The following ADD2 variants were observed in gnomAD, a reference collection of about 807,000 sequenced individuals.
ADD2 encodes beta-adducin.
Under a neutral mutation model 83.0 loss-of-function variants are expected in ADD2, and 23 were observed. That is an observed-to-expected ratio of 0.28 (90% confidence interval 0.20 to 0.39). The LOEUF is 0.39. Ranked by LOEUF, ADD2 falls within the 10% of genes least tolerant of loss-of-function variation. ADD2 has a pLI of 1.00. For missense variants in ADD2, 758 were observed against 944.9 expected (o/e 0.80, Z 2.59); for synonymous variants, 375 against 375.4 (o/e 1.00, Z 0.01).
At chr2:70,749,101 G>T (rs1574320152) in intron 1 of ADD2, among the ~76,000 whole-genome samples, 1 of 152,100 alleles carries the variant, frequency 6.6e-6, no homozygotes, top group Non-Finnish European at 1.5e-5. Context: ...TGAGGCCTCA[G>T]GAAACTTACA....
chr2:70,767,482 G>A (rs1675453668), intron 1 of ADD2: 1 of 335,584 alleles, frequency 3.0e-6, no homozygotes, highest in Non-Finnish European at 4.4e-6. Flanking sequence ...ACCCCGGAGG[G>A]CGGCGGCCGA....
chr2:70,678,763 G>A lies in ADD2; in HGVS notation c.1324C>T (p.Arg442Trp), dbSNP rs782075109. 35 of 1,610,134 alleles carry A rather than the reference G, an allele frequency of 2.2e-5. No homozygotes were observed. Among genetic ancestry groups the A allele is most frequent in the Admixed American group, 3.4e-5 (2 of 59,698 alleles). ...RWLNTPNTYL[R>W]VNVADEVQRS... ...TGGACCTCATCGGCCACATTGACCC[G>A]CAGGTAGGTGTTGGGCGTATTGAGC... is the stretch of plus-strand genomic sequence containing the variant. Residue 442 changes from arginine to tryptophan, a missense_variant, in exon 11 of 16, where the codon CGG (arginine) becomes TGG (tryptophan). Arg to Trp is a moderately radical substitution (Grantham distance 101). Around this residue, in one of 5 missense-constraint regions of ADD2, gnomAD observed 394 missense variants for 509.3 expected, o/e 0.77. Coordinates refer to ENST00000264436, the MANE Select transcript of ADD2 (RefSeq NM_001617.4).
intron 1 of ADD2, among the ~76,000 whole-genome samples, chr2:70,721,420 T>C (rs1005634812): frequency 1.2e-4 from 18 of 152,244 alleles, no homozygotes; most frequent in African/African-American, 4.1e-4. Flanking sequence ...ATACTAAGGA[T>C]ACCAGCTTTC....
chr2:70,753,480 G>A (rs1674617831), intron 1 of ADD2, among the ~76,000 whole-genome samples: 2 of 152,086 alleles, frequency 1.3e-5, no homozygotes. Flanking sequence ...TGCCATGGTG[G>A]TGTTTTTGAG....
At chr2:70,714,507 A>G (rs1179148354) in intron 1 of ADD2, among the ~76,000 whole-genome samples, 10 of 152,350 alleles carry the variant, frequency 6.6e-5, no homozygotes, top group African/African-American at 2.4e-4. Context: ...CCTGGGGCTC[A>G]GTGTTTCAGT....
At position 70,767,878 on chromosome 2, in the gene ADD2, A is replaced by T; in HGVS notation, c.-154+8T>A. 6.5e-7 allele frequency: 1 copy of T among 1,535,464 alleles called. No homozygotes were observed. The highest frequency in any genetic ancestry group is 1.4e-5 in the African/African-American group (1 of 72,992). ...GCAGCCCACCAGGCCCGCTCCCCAG[A>T]CCCTTACCTCCTGCGCGGCATCTTA... is the stretch of plus-strand genomic sequence containing the variant. On this transcript the variant is annotated splice_region_variant and intron_variant, in intron 1 of 15. Transcript: ENST00000264436.
chr2:70,706,789 T>TA lies in ADD2; in HGVS notation c.-34-348dup, dbSNP rs1239438682. Among the ~76,000 whole-genome samples, 3 of 152,206 alleles carry TA rather than the reference T, an allele frequency of 2.0e-5. No individual in the cohort carries two copies. Among genetic ancestry groups the TA allele is most frequent in the African/African-American group, 7.2e-5 (3 of 41,456 alleles). ...GTTGAGCATTTCTGTGATGCACACC[T>TA]ATGCAGTGGTAAGCTACTTACTGGA... On this transcript the variant is annotated intron_variant, in intron 2 of 15. Coordinates refer to ENST00000264436, the MANE Select transcript of ADD2 (RefSeq NM_001617.4). This position sits in a 1 kb window ranked among gnomAD's most constrained non-coding sequence, Gnocchi z 5.0.
intron 1 of ADD2, among the ~76,000 whole-genome samples, chr2:70,737,052 G>A (rs3977710): frequency 0.34 from 51,857 of 151,650 alleles, 8,929 homozygotes; most frequent in Middle Eastern, 0.41. Context: ...TTAGAATGGC[G>A]ATCATTAAAA....
At chr2:70,704,264 C>CCCCCCCCCCCCCCCCCCCCCCCCAA in intron 4 of ADD2, 57 bp downstream of exon 4, 1 of 425,202 alleles carries the variant, frequency 2.4e-6, no homozygotes, top group Non-Finnish European at 4.8e-6. Context: ...TCCCTCTCTT[C>CCCCCCCCCCCCCCCCCCCCCCCCAA]CCCACCCCAC....
Position 70,676,994 on chromosome 2 carries a change from TG to T in ADD2, c.1504-110del. ...GGTCTAGAAAGGTCCTCTAGCGGTG[TG>T]GGAGCCCGTCACCTATCCTAATGCA... On this transcript the variant is annotated intron_variant, in intron 12 of 15. Coordinates refer to ENST00000264436, the MANE Select transcript of ADD2 (RefSeq NM_001617.4). The surrounding 1 kb of genome is among the most constrained non-coding windows in gnomAD (Gnocchi z 4.8). 1 of 1,483,088 alleles carries T rather than the reference TG, an allele frequency of 6.7e-7. No homozygotes were observed. The allele number at this position is 1,483,088 out of a possible 1,614,324, so 91.9% of individuals were successfully genotyped here. A position where few individuals can be genotyped will look rare whatever the true frequency, so the allele number is the denominator to read the frequency against.
chr2:70,663,092 C>T lies in ADD2; in HGVS notation c.*333G>A, dbSNP rs1363752459. On this transcript the variant is annotated 3_prime_UTR_variant, in exon 16 of 16. Transcript: ENST00000264436. ...ACGGCCCATTTCTGGCCTTCTTGCC[C>T]TAGGCTCAGATTGGTGGACAGCATC... is the stretch of plus-strand genomic sequence containing the variant. The T allele has an allele frequency of 4.1e-6, 1 of 242,202 alleles. No individual in the cohort carries two copies. 15.0% of individuals were successfully genotyped at this position (242,202 alleles called of 1,614,324 possible).
At chr2:70,727,589 C>T (rs1323111248) in intron 1 of ADD2, among the ~76,000 whole-genome samples, 3 of 152,122 alleles carry the variant, frequency 2.0e-5, no homozygotes, top group Non-Finnish European at 4.4e-5. Flanking sequence ...TCACTGGCTC[C>T]TTGGGTCTTT....
intron 1 of ADD2, among the ~76,000 whole-genome samples, chr2:70,714,871 G>A (rs1553376099): frequency 6.6e-6 from 1 of 152,124 alleles, no homozygotes; most frequent in African/African-American, 2.4e-5. Context: ...GCTATTTTTT[G>A]TGTGTGCTAA....
At chr2:70,666,599 A>C (rs2104163101) in intron 15 of ADD2, among the ~76,000 whole-genome samples, 2 of 152,342 alleles carry the variant, frequency 1.3e-5, no homozygotes, top group Non-Finnish European at 2.9e-5. Flanking sequence ...ACTATGGATA[A>C]GAGGGGCTCC....
intron 1 of ADD2, among the ~76,000 whole-genome samples, chr2:70,734,925 T>C (rs920190861): frequency 6.6e-6 from 1 of 152,168 alleles, no homozygotes; most frequent in Non-Finnish European, 1.5e-5. Context: ...CTGGAAGAAC[T>C]TGTGTGTACT....
intron 1 of ADD2, among the ~76,000 whole-genome samples, chr2:70,748,751 A>G (rs2104522847): frequency 6.6e-6 from 1 of 152,346 alleles, no homozygotes; most frequent in Admixed American, 6.5e-5. Context: ...ATTACTTTAA[A>G]TGTGGCAGCT....
chr2:70,704,268 A>ACCCCCCCCCCCCCCCCCCC, intron 4 of ADD2, 53 bp downstream of exon 4: 1 of 429,184 alleles, frequency 2.3e-6, no homozygotes, highest in South Asian at 2.7e-5. Flanking sequence ...TCTCTTCCCC[A>ACCCCCCCCCCCCCCCCCCC]CCCCACCCTC....
At position 70,660,918 on chromosome 2, in the gene ADD2, C is replaced by T. The variant is rs572931887; in HGVS notation, c.*2507G>A. On this transcript the variant is annotated 3_prime_UTR_variant, in exon 16 of 16. Transcript: ENST00000264436. ...TGTTTTGCAATTTGTCTATACACCT[C>T]CTATGCTCATGAACTTCTTGAGGGC... 7.9e-5 allele frequency: 12 copies of T among 152,330 alleles called. No homozygotes were observed. The highest frequency in any genetic ancestry group is 2.9e-4 in the African/African-American group (12 of 41,556). 9.4% of individuals were successfully genotyped at this position (152,330 alleles called of 1,614,324 possible).
At chr2:70,690,984 G>A (rs1218077630) in intron 7 of ADD2, 55 bp from the exon 8 acceptor site, 2 of 1,568,856 alleles carry the variant, frequency 1.3e-6, no homozygotes, top group Admixed American at 1.8e-5. Context: ...CCTTTCCTCA[G>A]AGCAGCACAG....
Sources: allele counts gnomAD v4.1 joint callset (sites outside exome capture counted in the v4.1 genomes callset), GRCh38; gene constraint gnomAD v4.1.1; regional missense constraint gnomAD v4.1.1; non-coding constraint Gnocchi (gnomAD v3.1); transcripts MANE v1.5; gene names NCBI Gene and HGNC (gene_info 2026-07-23, HGNC 2026-07-21).